Variants in METTL25 observed in about 807,000 individuals in gnomAD.
The protein encoded by METTL25 is methyltransferase like 25.
In METTL25, 64 loss-of-function variants were observed where a neutral mutation model predicts 71.6. The ratio of observed to expected loss-of-function variants is 0.89; its 90% CI spans 0.73 to 1.10. The LOEUF (loss-of-function observed/expected upper bound fraction) is 1.10. METTL25 is among the 50% of genes least tolerant of loss of function. METTL25 has a pLI of 0.00. For missense variants in METTL25, 807 were observed against 707.0 expected (o/e 1.14, Z -1.60); for synonymous variants, 287 against 250.3 (o/e 1.15, Z -1.38).
intron 8 of METTL25, among the ~76,000 whole-genome samples, chr12:82,452,344 A>G (rs1465661087): frequency 6.6e-6 from 1 of 152,120 alleles, no homozygotes; most frequent in Non-Finnish European, 1.5e-5. Flanking sequence ...AACTAATACA[A>G]TTGCAGTATT....
At chr12:82,424,750 G>T (rs112852396) in intron 5 of METTL25, among the ~76,000 whole-genome samples, 22 of 152,084 alleles carry the variant, frequency 1.4e-4, no homozygotes, top group African/African-American at 4.6e-4. Flanking sequence ...TCATCATACT[G>T]GATTGGGTAG....
rs1592738404 is a variant in METTL25, at chr12:82,446,698, C to G, written c.1478+7907C>G. 4.0e-5 allele frequency among the ~76,000 whole-genome samples: 6 copies of G among 150,562 alleles called. 1 individual carries two copies. The South Asian group carries it at 1.3e-3, about 32-fold the overall frequency. The stretch of plus-strand genomic sequence containing the variant: ...GTGGTGCAGTCTCGGCTCACTGCAA[C>G]CTCCGCTTCACGGATTCAAGCTATT... On this transcript the variant is annotated intron_variant, in intron 8 of 11. Coordinates refer to ENST00000248306, the MANE Select transcript of METTL25 (RefSeq NM_032230.3).
chr12:82,445,926 A>C (rs1890704593), intron 8 of METTL25, among the ~76,000 whole-genome samples: 1 of 152,224 alleles, frequency 6.6e-6, no homozygotes, highest in South Asian at 2.1e-4. Context: ...GCTTCCGGTC[A>C]AAAGTACACT....
In METTL25 at chr12:82,433,806, T is replaced by C. The variant is rs370905863; in HGVS notation, c.1375-889T>C. On this transcript the variant is annotated intron_variant, in intron 6 of 11. Coordinates refer to ENST00000248306, the MANE Select transcript of METTL25 (RefSeq NM_032230.3). ...AAAATATAAAAACCTGAAGCAAATA[T>C]GGGTATTTTAAATTTGAATAGCAAG... 9.9e-5 allele frequency among the ~76,000 whole-genome samples: 15 copies of C among 151,648 alleles called. No individual in the cohort carries two copies. The East Asian group carries it at 1.7e-3, about 18-fold the overall frequency.
chr12:82,368,467 T>C (rs1882824032), intron 1 of METTL25, among the ~76,000 whole-genome samples: 2 of 152,180 alleles, frequency 1.3e-5, no homozygotes, highest in African/African-American at 4.8e-5. Context: ...CAGCTTTCTT[T>C]TGGGGGATAT....
In METTL25 at chr12:82,418,822, T is replaced by A. The variant is rs573692240; in HGVS notation, c.1280-12071T>A. Among the ~76,000 whole-genome samples the A allele has an allele frequency of 3.9e-5, 6 of 152,266 alleles. No individual in the cohort carries two copies. The East Asian group carries it at 1.2e-3, about 29-fold the overall frequency. ...AAGAAAATTAGGGAAGCTGTGAAAG[T>A]GTCACTGACACTTTTTGTGGAAGGT... On this transcript the variant is annotated intron_variant, in intron 5 of 11. Transcript: ENST00000248306.
At chr12:82,381,364 G>A (rs1017479926) in intron 1 of METTL25, among the ~76,000 whole-genome samples, 8 of 152,144 alleles carry the variant, frequency 5.3e-5, no homozygotes, top group African/African-American at 1.9e-4. Flanking sequence ...ATGGTTAAAT[G>A]CACTTTATAC....
At chr12:82,365,413 G>A (rs918711816) in intron 1 of METTL25, among the ~76,000 whole-genome samples, 2 of 152,168 alleles carry the variant, frequency 1.3e-5, no homozygotes, top group South Asian at 2.1e-4. Flanking sequence ...CTAAAAGTTA[G>A]TACATAATAT....
intron 5 of METTL25, among the ~76,000 whole-genome samples, chr12:82,408,614 G>GTGTGTGTC (rs1887294589): frequency 1.3e-5 from 2 of 151,686 alleles, no homozygotes; most frequent in East Asian, 3.9e-4. Context: ...GTGTGTGTGT[G>GTGTGTGTC]TGTGTGTGTG....
At chr12:82,442,585 A>C (rs1229471016) in intron 8 of METTL25, among the ~76,000 whole-genome samples, 1 of 152,144 alleles carries the variant, frequency 6.6e-6, no homozygotes, top group Non-Finnish European at 1.5e-5. Flanking sequence ...GGGTGGAGTA[A>C]GCAGGAAGTG....
chr12:82,449,765 G>A (rs1327685132), intron 8 of METTL25, among the ~76,000 whole-genome samples: 1 of 152,078 alleles, frequency 6.6e-6, no homozygotes, highest in African/African-American at 2.4e-5. Flanking sequence ...AAATGAAATG[G>A]TGTATCATAG....
At chr12:82,439,809 A>T (rs1290966496) in intron 8 of METTL25, 17 of 938,968 alleles carry the variant, frequency 1.8e-5, no homozygotes, top group Non-Finnish European at 2.2e-5. Context: ...GTGCAAATTC[A>T]TGTCAACTCA....
At chr12:82,440,943 A>G (rs1323804531) in intron 8 of METTL25, among the ~76,000 whole-genome samples, 3 of 152,022 alleles carry the variant, frequency 2.0e-5, no homozygotes, top group African/African-American at 7.2e-5. Context: ...CCCCAGCAGG[A>G]TCTGTCAGTT....
At chr12:82,469,694 A>G (rs1892458028) in intron 9 of METTL25, among the ~76,000 whole-genome samples, 1 of 151,910 alleles carries the variant, frequency 6.6e-6, no homozygotes, top group Non-Finnish European at 1.5e-5. Context: ...AAGTGCAAGC[A>G]GAAGATGATA....
At chr12:82,404,685 C>T (rs1399799382) in intron 5 of METTL25, among the ~76,000 whole-genome samples, 1 of 152,034 alleles carries the variant, frequency 6.6e-6, no homozygotes, top group Non-Finnish European at 1.5e-5. Flanking sequence ...TTTAGAGACA[C>T]TAATGCCAGC....
intron 9 of METTL25, among the ~76,000 whole-genome samples, chr12:82,465,940 G>A (rs1270515982): frequency 6.8e-6 from 1 of 146,530 alleles, no homozygotes; most frequent in Non-Finnish European, 1.5e-5. Flanking sequence ...GGTATCTGTT[G>A]TGATGTCTAT....
chr12:82,432,132 T>C (rs1889553550), intron 6 of METTL25, among the ~76,000 whole-genome samples: 1 of 151,688 alleles, frequency 6.6e-6, no homozygotes, highest in Non-Finnish European at 1.5e-5. Context: ...AAATAATATG[T>C]TTAATGTCCA....
At chr12:82,430,796 TTCTC>T in intron 5 of METTL25, 93 bp from the exon 6 acceptor site, 1 of 639,032 alleles carries the variant, frequency 1.6e-6, no homozygotes, top group South Asian at 2.3e-5. Context: ...TGTTTTTACT[TTCTC>T]AATGACTGAT....
intron 5 of METTL25, among the ~76,000 whole-genome samples, chr12:82,403,757 G>T (rs1886839672): frequency 6.6e-6 from 1 of 152,078 alleles, no homozygotes; most frequent in Non-Finnish European, 1.5e-5. Flanking sequence ...ATAGCTGTTT[G>T]CTCCATTTTA....
Sources: gnomAD v4.1 joint callset for allele counts (sites outside exome capture counted in the v4.1 genomes callset) on GRCh38, gnomAD v4.1.1 for gene constraint, MANE v1.5 for transcripts, NCBI Gene and HGNC (gene_info 2026-07-23, HGNC 2026-07-21) for gene names.